Variants in CDK12 observed in about 807,000 individuals in gnomAD.
The protein encoded by CDK12 is cyclin dependent kinase 12.
In CDK12, 17 loss-of-function variants were observed where a neutral mutation model predicts 133.8. The observed-to-expected ratio is 0.13, with a 90% CI of 0.09 to 0.19. The LOEUF (loss-of-function observed/expected upper bound fraction) is 0.19, where lower values mean the gene tolerates loss of function less well. Ranked by LOEUF, CDK12 falls within the 10% of genes least tolerant of loss-of-function variation. The pLI is 1.00. For missense variants in CDK12, 1,508 were observed against 1,818.7 expected, an observed-to-expected ratio of 0.83 and a Z score of 3.11; for synonymous variants, 694 against 683.6, an observed-to-expected ratio of 1.02 and a Z score of -0.24.
rs141567166 is a variant in CDK12 at position 39,490,450 on chromosome 17, A to G, written c.1932-107A>G. The stretch of plus-strand genomic sequence containing the variant: ...TATAGTACAGGTTTTTTTCCTTAAA[A>G]ATTAGATCTTTCTAACCTTTTCGTA... On this transcript the variant is annotated intron_variant, in intron 2 of 13. Coordinates refer to ENST00000447079, the MANE Select transcript of CDK12 (RefSeq NM_016507.4). 2.6e-4 allele frequency: 176 copies of G among 684,176 alleles called. 2 individuals carry two copies. The East Asian group carries it at 4.8e-3, about 19-fold the overall frequency. 42.4% of individuals were successfully genotyped at this position (684,176 alleles called of 1,614,324 possible).
chr17:39,516,408 G>A (rs1426116181), intron 9 of CDK12, among the ~76,000 whole-genome samples: 1 of 151,514 alleles, frequency 6.6e-6, no homozygotes, highest in Non-Finnish European at 1.5e-5. Context: ...CTAGACTGGA[G>A]TGCAGTGGTG....
At chr17:39,527,921 T>G (rs564174958) in intron 13 of CDK12, among the ~76,000 whole-genome samples, 6 of 151,988 alleles carry the variant, frequency 3.9e-5, no homozygotes, top group East Asian at 1.9e-4. Context: ...CGTACTTTTT[T>G]TTTGTTTGTT....
chr17:39,518,310 G>T (rs2053939824), intron 10 of CDK12, among the ~76,000 whole-genome samples: 1 of 151,248 alleles, frequency 6.6e-6, no homozygotes, highest in Non-Finnish European at 1.5e-5. Context: ...GGGACCACAG[G>T]CACCCGCCAC....
intron 1 of CDK12, among the ~76,000 whole-genome samples, chr17:39,541,448 A>G (rs989676979): frequency 6.6e-6 from 1 of 150,558 alleles, no homozygotes; most frequent in African/African-American, 2.5e-5. Context: ...GCTCACTGCA[A>G]GCTCCGCCTC....
rs60227908 is a variant in CDK12 at position 39,555,828 on chromosome 17, TACACACACACACACACACACACAC to T, written n.357-424_357-401del. On this transcript the variant is annotated intron_variant and non_coding_transcript_variant, in intron 2 of 3. Transcript: ENST00000558240. Reference sequence around the variant, plus strand: ...GGGAAACATAGTGAAACCTCATCTCTACACACACACACACACACACACACACACACACACACACACACACACACA... The same window carrying T: ...GGGAAACATAGTGAAACCTCATCTCTACACACACACACACACACACACACA... Among the ~76,000 whole-genome samples, 76 of 108,686 alleles carry T rather than the reference TACACACACACACACACACACACAC, an allele frequency of 7.0e-4. No homozygotes were observed. In the Middle Eastern group the frequency reaches 0.026, roughly 37 times the overall value. The allele number at this position is 108,686 out of a possible 152,430, so 71.3% of individuals were successfully genotyped here.
intron 5 of CDK12, among the ~76,000 whole-genome samples, chr17:39,500,976 C>A (rs1239821288): frequency 6.6e-6 from 1 of 151,780 alleles, no homozygotes; most frequent in Non-Finnish European, 1.5e-5. Flanking sequence ...CCTCAAGTGA[C>A]CCGCCCTCCT....
At chr17:39,549,218 G>C (rs1360203379), upstream of CDK12, 1 of 148,122 alleles carries the variant, frequency 6.8e-6, no homozygotes, top group Non-Finnish European at 1.5e-5. Flanking sequence ...CTTTGCAGAG[G>C]GGTGGAAGGG....
intron 5 of CDK12, among the ~76,000 whole-genome samples, chr17:39,498,499 A>T (rs2052319274): frequency 6.6e-6 from 1 of 152,288 alleles, no homozygotes; most frequent in South Asian, 2.1e-4. Flanking sequence ...CTGGGATTAC[A>T]GGCGTGAGCC....
rs770625855 is a variant in CDK12 at position 39,462,205 on chromosome 17, A to C, written c.134A>C (p.His45Pro). The change falls in exon 1 of 14, where the codon CAT becomes CCT. Residue 45 changes from histidine to proline, a missense_variant. Transcript: ENST00000447079. ...CGCTTGGTATCGAAGCACAAGCGGC[A>C]TAAGTCCAAACACTCCAAAGACATG... ...RHRLVSKHKR[H>P]KSKHSKDMGL... 1.9e-5 allele frequency: 31 copies of C among 1,614,214 alleles called. No homozygotes were observed. The highest frequency in any genetic ancestry group is 2.5e-5 in the Non-Finnish European group (29 of 1,180,032).
intron 2 of CDK12, among the ~76,000 whole-genome samples, chr17:39,476,491 G>C (rs2050200393): frequency 6.6e-6 from 1 of 151,050 alleles, no homozygotes; most frequent in South Asian, 2.1e-4. Flanking sequence ...TGTGATCTCG[G>C]CTGCATCCGC....
upstream of CDK12, among the ~76,000 whole-genome samples, chr17:39,543,380 C>A (rs1009140461): frequency 1.3e-5 from 2 of 152,176 alleles, no homozygotes. Flanking sequence ...GCCTTTCCCT[C>A]TTTAGACCCC....
chr17:39,503,175 C>T (rs147022848), intron 6 of CDK12, among the ~76,000 whole-genome samples: 12 of 152,234 alleles, frequency 7.9e-5, no homozygotes, highest in Non-Finnish European at 1.2e-4. Context: ...TGGGTTCAAG[C>T]GATGCTCCTG....
intron 5 of CDK12, among the ~76,000 whole-genome samples, chr17:39,495,637 C>CA (rs113659989): frequency 2.7e-5 from 4 of 150,550 alleles, no homozygotes; most frequent in African/African-American, 9.7e-5. Flanking sequence ...TAAAAAAATA[C>CA]AAAAAAAATT....
upstream of CDK12, among the ~76,000 whole-genome samples, chr17:39,543,111 G>A (rs1228521055): frequency 6.6e-6 from 1 of 152,180 alleles, no homozygotes; most frequent in African/African-American, 2.4e-5. Flanking sequence ...TGGCGGAAGG[G>A]GGTCCCTGAA....
At position 39,531,103 on chromosome 17, in the gene CDK12, C is replaced by T. The variant is rs765193561; in HGVS notation, c.4260C>T (p.Phe1420=). 1 of 1,585,438 alleles carries T rather than the reference C, an allele frequency of 6.3e-7. No individual in the cohort carries two copies. The highest frequency in any genetic ancestry group is 8.6e-7 in the Non-Finnish European group (1 of 1,167,200). ...TACACCCGGTGGTCGGGCAACCATT[C>T]CTGAAGGCTGAGGGAAGCAGCAATT... ...LALHPVVGQP[F]LKAEGSSNSV... is the part of the protein sequence containing the mutation. Residue 1420 remains phenylalanine, a synonymous_variant, in exon 14 of 14, where the codon TTC becomes TTT. Transcript: ENST00000447079.
At chr17:39,479,646 A>T (rs1188765059) in intron 2 of CDK12, among the ~76,000 whole-genome samples, 2 of 151,390 alleles carry the variant, frequency 1.3e-5, no homozygotes, top group Non-Finnish European at 2.9e-5. Context: ...TTTTCCCCCG[A>T]GACAGAGTCT....
At chr17:39,485,300 G>C (rs1455441901) in intron 2 of CDK12, among the ~76,000 whole-genome samples, 2 of 151,538 alleles carry the variant, frequency 1.3e-5, no homozygotes, top group African/African-American at 4.9e-5. Flanking sequence ...ATGAAACACA[G>C]ATTGGCTGGG....
At chr17:39,511,669 C>T (rs759161164) in intron 8 of CDK12, 39 bp downstream of exon 8, 2 of 1,330,752 alleles carry the variant, frequency 1.5e-6, no homozygotes, top group East Asian at 2.3e-5. Flanking sequence ...CTGTAACTTA[C>T]ATACTGTTGA....
intron 11 of CDK12, 94 bp from the exon 12 acceptor site, chr17:39,524,578 CCA>C: frequency 3.8e-6 from 4 of 1,063,990 alleles, no homozygotes; most frequent in East Asian, 2.4e-5. Context: ...TTTACATTTC[CCA>C]CAGTCTTTGC....
Sources: gnomAD v4.1 joint callset for allele counts (sites outside exome capture counted in the v4.1 genomes callset) on GRCh38, gnomAD v4.1.1 for gene constraint, MANE v1.5 for transcripts, NCBI Gene and HGNC (gene_info 2026-07-23, HGNC 2026-07-21) for gene names.